ARHGEF16: variants seen among roughly 807,000 people sequenced by gnomAD.
ARHGEF16 encodes the protein Rho guanine nucleotide exchange factor 16, also known as Rho guanine exchange factor (GEF) 16.
ARHGEF16 carries 59 observed loss-of-function variants against 74.1 expected under a neutral mutation model. The observed-to-expected ratio is 0.80, with a 90% CI of 0.65 to 0.99. The LOEUF (loss-of-function observed/expected upper bound fraction) is 0.99, where lower values mean the gene tolerates loss of function less well. ARHGEF16 is among the 50% of genes least tolerant of loss of function. The pLI is 0.00. For missense variants in ARHGEF16, 948 were observed against 986.6 expected (o/e 0.96, Z 0.52); for synonymous variants, 415 against 412.6 (o/e 1.01, Z -0.07).
At chr1:3,474,640 G>C in intron 8 of ARHGEF16, 68 bp from the exon 9 acceptor site, 1 of 1,469,180 alleles carries the variant, frequency 6.8e-7, no homozygotes, top group Non-Finnish European at 9.5e-7. Flanking sequence ...GGGGTCTGGC[G>C]TTGGTGGGAG....
intron 3 of ARHGEF16, 87 bp from the exon 4 acceptor site, chr1:3,467,081 G>A (rs1356649156): frequency 7.3e-7 from 1 of 1,375,750 alleles, no homozygotes; most frequent in South Asian, 1.4e-5. Context: ...GAGCCTGTGG[G>A]CCTAGAGGAC....
intron 9 of ARHGEF16, among the ~76,000 whole-genome samples, chr1:3,475,102 G>A (rs2493319): frequency 0.059 from 202 of 3,408 alleles, 2 homozygotes; most frequent in East Asian, 0.2. Context: ...ATCCATCCCA[G>A]GCCTTTCACG....
In ARHGEF16 at chr1:3,468,406, G is replaced by A. The variant is rs115297816; in HGVS notation, c.805-474G>A. 1,168 of 187,350 alleles carry A rather than the reference G, an allele frequency of 6.2e-3. 19 individuals are homozygous for A. The highest frequency in any genetic ancestry group is 0.024 in the African/African-American group (1,039 of 42,524). 11.6% of individuals were successfully genotyped at this position (187,350 alleles called of 1,614,324 possible). On this transcript the variant is annotated intron_variant, in intron 4 of 14. Coordinates refer to ENST00000378378, the MANE Select transcript of ARHGEF16 (RefSeq NM_014448.4). The stretch of plus-strand genomic sequence containing the variant: ...AGCCACACTCCCGCCAAGGCGACCC[G>A]CCAGCTGTGGGCCCCGAGGAGGAGG...
chr1:3,463,560 A>G lies in ARHGEF16; in HGVS notation c.476A>G (p.Lys159Arg). 1 of 1,457,628 alleles carries G rather than the reference A, an allele frequency of 6.9e-7. No individual in the cohort carries two copies. The allele number at this position is 1,457,628 out of a possible 1,614,324, so 90.3% of individuals were successfully genotyped here. A position where few individuals can be genotyped will look rare whatever the true frequency, so the allele number is the denominator to read the frequency against. ...AACCAATCCTACCGGGCGGCCATGAAGGGCCTGGGGAAGCCAGGTGGCCAG... is the reference window on the plus strand; with the variant it reads ...AACCAATCCTACCGGGCGGCCATGAGGGGCCTGGGGAAGCCAGGTGGCCAG... Reference protein sequence around the residue: ...LRNQSYRAAMKGLGKPGGQGD... With the variant: ...LRNQSYRAAMRGLGKPGGQGD... The change falls in exon 2 of 15, where the codon AAG (lysine) becomes AGG (arginine). Residue 159 changes from lysine to arginine, a missense_variant. Physicochemically the swap from Lys to Arg is conservative, Grantham distance 26. Transcript: ENST00000378378.
Position 3,468,909 on chromosome 1 carries a change from C to T in ARHGEF16, c.834C>T (p.Leu278=). 6.4e-7 allele frequency: 1 copy of T among 1,550,414 alleles called. No individual in the cohort carries two copies. The highest frequency in any genetic ancestry group is 8.7e-7 in the Non-Finnish European group (1 of 1,146,862). ...TGGAATTGGGCATCCTGGACCAGCT[C>T]TCCACTGAGGAGCGGAAAAGGCAGG... ...EVVELGILDQ[L]STEERKRQEA... Residue 278 remains leucine (L), a synonymous_variant, in exon 5 of 15, where the codon CTC becomes CTT. Coordinates refer to ENST00000378378, the MANE Select transcript of ARHGEF16 (RefSeq NM_014448.4).
Position 3,479,554 on chromosome 1 carries a change from A to C in ARHGEF16, c.1852A>C (p.Ser618Arg), listed in dbSNP as rs777765984. The change falls in exon 13 of 15, where the codon AGT becomes CGT. Residue 618 changes from serine to arginine, a missense_variant. Coordinates refer to ENST00000378378, the MANE Select transcript of ARHGEF16 (RefSeq NM_014448.4). ...ACGGTGGATCGTGGCGCTCACACAC[A>C]GTGAGAGACAGTGGCAGGGCCTCTC... ...RARWIVALTH[S>R]ERQWQGLSSK... 3 of 1,612,472 alleles carry C rather than the reference A, an allele frequency of 1.9e-6. No individual in the cohort carries two copies. The African/African-American group carries it at 4.0e-5, about 22-fold the overall frequency.
chr1:3,473,242 GC>G lies in ARHGEF16; in HGVS notation c.1175+16del, dbSNP rs1639786972. On this transcript the variant is annotated intron_variant, in intron 7 of 14. Transcript: ENST00000378378. ...CTGCAGAAGCTGATGTGAGTGGGCGGCCCCGAGGCCCGCAGGGTGGCTCAGG... is the reference window on the plus strand; with the variant it reads ...CTGCAGAAGCTGATGTGAGTGGGCGGCCCGAGGCCCGCAGGGTGGCTCAGG... 1.2e-6 allele frequency: 2 copies of G among 1,611,648 alleles called. No homozygotes were observed. The highest frequency in any genetic ancestry group is 1.1e-5 in the South Asian group (1 of 90,892).
intron 1 of ARHGEF16, among the ~76,000 whole-genome samples, chr1:3,461,220 C>G (rs1639385112): frequency 6.6e-6 from 1 of 152,130 alleles, no homozygotes; most frequent in South Asian, 2.1e-4. Context: ...GAGTTTTCTC[C>G]ATGTCGTTAC....
intron 10 of ARHGEF16, among the ~76,000 whole-genome samples, chr1:3,476,431 C>G (rs1420220259): frequency 6.6e-6 from 1 of 152,094 alleles, no homozygotes; most frequent in African/African-American, 2.4e-5. Context: ...GCTGGCCCCT[C>G]AGGGGCTGGG....
At position 3,479,540 on chromosome 1, in the gene ARHGEF16, T is replaced by C. The variant is rs1164678933; in HGVS notation, c.1838T>C (p.Val613Ala). ...AGGAGTGACCGGGCACGGTGGATCGTGGCGCTCACACACAGTGAGAGACAG... is the reference window on the plus strand; with the variant it reads ...AGGAGTGACCGGGCACGGTGGATCGCGGCGCTCACACACAGTGAGAGACAG... ...DSASDRARWI[V>A]ALTHSERQWQ... Residue 613 changes from valine to alanine, a missense_variant, in exon 13 of 15, where the codon GTG becomes GCG. Physicochemically the swap from Val to Ala is moderately conservative, Grantham distance 64. Transcript: ENST00000378378. The C allele has an allele frequency of 1.4e-5, 22 of 1,612,452 alleles. No homozygotes were observed. Among genetic ancestry groups the C allele is most frequent in the African/African-American group, 4.0e-5 (3 of 74,884 alleles).
At chr1:3,477,792 G>A in intron 10 of ARHGEF16, 83 bp from the exon 11 acceptor site, 4 of 1,347,338 alleles carry the variant, frequency 3.0e-6, no homozygotes, top group Non-Finnish European at 4.2e-6. Context: ...ATGCGTCCTT[G>A]ACCCCCTGGG....
chr1:3,471,682 G>A, intron 6 of ARHGEF16: 1 of 1,243,614 alleles, frequency 8.0e-7, no homozygotes, highest in Non-Finnish European at 1.0e-6. Flanking sequence ...CCTCCTCAGG[G>A]CTTTAGATTG....
At chr1:3,472,416 G>C (rs1639750572) in intron 6 of ARHGEF16, among the ~76,000 whole-genome samples, 1 of 152,058 alleles carries the variant, frequency 6.6e-6, no homozygotes, top group Admixed American at 6.5e-5. Flanking sequence ...CCCTTCCAGG[G>C]AGTCTGCCAA....
At chr1:3,456,706 C>G (rs554436068) in intron 1 of ARHGEF16, among the ~76,000 whole-genome samples, 1 of 152,240 alleles carries the variant, frequency 6.6e-6, no homozygotes, top group Non-Finnish European at 1.5e-5. Context: ...AGCGGGTGAA[C>G]GGGTGGCAGG....
intron 12 of ARHGEF16, 56 bp from the exon 13 acceptor site, chr1:3,479,461 C>T: frequency 4.4e-6 from 7 of 1,592,166 alleles, no homozygotes; most frequent in African/African-American, 1.3e-5. Flanking sequence ...AGTCAAGGAA[C>T]ATCAGACGGG....
chr1:3,465,794 G>T (rs903015931), intron 2 of ARHGEF16, among the ~76,000 whole-genome samples: 2 of 152,280 alleles, frequency 1.3e-5, no homozygotes, highest in African/African-American at 4.8e-5. Flanking sequence ...TGTCCCACCA[G>T]GTCCTAGTCC....
At chr1:3,471,886 G>C in intron 6 of ARHGEF16, 2 of 968,226 alleles carry the variant, frequency 2.1e-6, no homozygotes, top group Non-Finnish European at 2.5e-6. Flanking sequence ...GGGCACGTAC[G>C]CATGTCGTGG....
intron 1 of ARHGEF16, among the ~76,000 whole-genome samples, chr1:3,455,216 T>C (rs1314668727): frequency 2.6e-5 from 4 of 152,026 alleles, no homozygotes; most frequent in Admixed American, 2.0e-4. Context: ...TGAAAGAGCA[T>C]GGGGTGGGGG....
chr1:3,469,535 C>A lies in ARHGEF16; in HGVS notation c.964C>A (p.Gln322Lys), dbSNP rs767373641. The A allele has an allele frequency of 1.2e-6, 2 of 1,613,176 alleles. No homozygotes were observed. The highest frequency in any genetic ancestry group is 2.2e-5 in the South Asian group (2 of 91,090). The change falls in exon 6 of 15, where the codon CAG (glutamine) becomes AAG (lysine). Residue 322 changes from glutamine to lysine, a missense_variant. Coordinates refer to ENST00000378378, the MANE Select transcript of ARHGEF16 (RefSeq NM_014448.4). Reference protein sequence around the residue: ...QSKELRATVTQMEHHHLFSNI... With the variant: ...QSKELRATVTKMEHHHLFSNI... Reference sequence around the variant, plus strand: ...CAAGGAGCTGCGGGCGACCGTGACCCAGATGGAGCACCACCACCTCTTCTC... The same window carrying A: ...CAAGGAGCTGCGGGCGACCGTGACCAAGATGGAGCACCACCACCTCTTCTC...
Sources: gnomAD v4.1 joint callset for allele counts (sites outside exome capture counted in the v4.1 genomes callset) on GRCh38, gnomAD v4.1.1 for gene constraint, MANE v1.5 for transcripts, NCBI Gene and HGNC (gene_info 2026-07-23, HGNC 2026-07-21) for gene names.